SRP68: variants seen among roughly 807,000 people sequenced by gnomAD.
The protein encoded by SRP68 is signal recognition particle 68.
Under a neutral mutation model 82.2 loss-of-function variants are expected in SRP68, and 15 were observed. The observed-to-expected ratio is 0.18, with a 90% confidence interval of 0.12 to 0.28. The LOEUF is 0.28. Among genes scored for constraint, SRP68 ranks in the 10% least tolerant of loss-of-function variants. The pLI, the probability that SRP68 is intolerant of heterozygous loss-of-function variation, is 1.00. For synonymous variants in SRP68, 261 were observed against 292.6 expected (o/e 0.89, Z 1.10); for missense variants, 595 against 780.5 (o/e 0.76, Z 2.83).
chr17:76,067,529 A>G (rs1254929654), intron 2 of SRP68, among the ~76,000 whole-genome samples, 199 bp from the exon 3 acceptor site: 1 of 152,154 alleles, frequency 6.6e-6, no homozygotes, highest in Non-Finnish European at 1.5e-5. Flanking sequence ...GCTGGAGTGC[A>G]GTGGTGTGAT....
At position 76,039,619 on chromosome 17, in the gene SRP68, T is replaced by C; in HGVS notation, c.*87A>G. On this transcript the variant is annotated 3_prime_UTR_variant, in exon 16 of 16. Transcript: ENST00000307877. Reference sequence around the variant, plus strand: ...CTCTTGCCCCGGGCCAATGCAGACCTGGATTTAATATCATGGAACTTGCTG... The same window carrying C: ...CTCTTGCCCCGGGCCAATGCAGACCCGGATTTAATATCATGGAACTTGCTG... 7.4e-7 allele frequency: 1 copy of C among 1,350,558 alleles called. No individual in the cohort carries two copies. Among genetic ancestry groups the C allele is most frequent in the Non-Finnish European group, 1.0e-6 (1 of 971,538 alleles). The allele number at this position is 1,350,558 out of a possible 1,614,324, so 83.7% of individuals were successfully genotyped here.
In SRP68 at chr17:76,039,181, C is replaced by A. The variant is rs1016993628; in HGVS notation, c.*525G>T. 2.9e-6 allele frequency: 1 copy of A among 342,350 alleles called. No homozygotes were observed. The highest frequency in any genetic ancestry group is 5.9e-6 in the Non-Finnish European group (1 of 169,554). 21.2% of individuals were successfully genotyped at this position (342,350 alleles called of 1,614,324 possible). A position where few individuals can be genotyped will look rare whatever the true frequency, so the allele number is the denominator to read the frequency against. On this transcript the variant is annotated 3_prime_UTR_variant, in exon 16 of 16. Transcript: ENST00000307877. ...TAACATATTTCTTCTAAAAATAGAG[C>A]TCTCTGCTTGTCTGAAACTTCTTAG...
intron 4 of SRP68, among the ~76,000 whole-genome samples, chr17:76,062,822 G>A (rs2066777555): frequency 7.6e-6 from 1 of 131,038 alleles, no homozygotes; most frequent in Admixed American, 9.0e-5. Flanking sequence ...CCAGGCTGGA[G>A]CGCAGTGGCA....
chr17:76,067,266 G>T lies in SRP68; in HGVS notation c.316C>A (p.His106Asn), dbSNP rs2066814287. 1.2e-6 allele frequency: 2 copies of T among 1,613,770 alleles called. No individual in the cohort carries two copies. Among genetic ancestry groups the T allele is most frequent in the Non-Finnish European group, 8.5e-7 (1 of 1,179,916 alleles). Residue 106 changes from histidine to asparagine, a missense_variant, in exon 3 of 16, where the codon CAC becomes AAC. Physicochemically the swap from His to Asn is moderately conservative, Grantham distance 68. Transcript: ENST00000307877. ...GTCACTTTCTTCCCTGTGAATTTGT[G>T]TCTGTTACCCATCTTGAAGTTGAGT... ...KTLNFKMGNR[H>N]KFTGKKVTEE...
intron 7 of SRP68, among the ~76,000 whole-genome samples, chr17:76,059,999 G>A (rs2066739844): frequency 1.3e-5 from 2 of 149,928 alleles, no homozygotes; most frequent in African/African-American, 2.5e-5. Flanking sequence ...GGTGGCAGGC[G>A]GCTGTAGTCC....
rs1041428323 is a variant in SRP68, at chr17:76,072,446, T to C, written c.46A>G (p.Ser16Gly). 11 of 1,579,284 alleles carry C rather than the reference T, an allele frequency of 7.0e-6. No individual in the cohort carries two copies. Among genetic ancestry groups the C allele is most frequent in the African/African-American group, 2.7e-5 (2 of 73,502 alleles). ...CCGCCACTGCCACCGCCGCCGCCACTGCCGCCGCCGCCGCCGCCGCCTGGG... is the reference window on the plus strand; with the variant it reads ...CCGCCACTGCCACCGCCGCCGCCACCGCCGCCGCCGCCGCCGCCGCCTGGG... Reference protein sequence around the residue: ...QVPGGGGGGGSGGGGGSGGGG... With the variant: ...QVPGGGGGGGGGGGGGSGGGG... The change falls in exon 1 of 16, where the codon AGT becomes GGT. Residue 16 changes from serine to glycine, a missense_variant. Coordinates refer to ENST00000307877, the MANE Select transcript of SRP68 (RefSeq NM_014230.4). The surrounding 1 kb of genome is among the most constrained non-coding windows in gnomAD (Gnocchi z 4.5).
rs1567934094 is a variant in SRP68, at chr17:76,061,493, T to C, written c.643A>G (p.Lys215Glu). 6.2e-7 allele frequency: 1 copy of C among 1,613,398 alleles called. No homozygotes were observed. The highest frequency in any genetic ancestry group is 8.5e-7 in the Non-Finnish European group (1 of 1,179,732). ...CAGCCTTTGGACTATAGGACTTACT[T>C]GCATTTGTTAAAAGCCTCAATGGCA... is the stretch of plus-strand genomic sequence containing the variant. ...KAAIEAFNKC[K>E]TIYEKLASAF... The change falls in exon 5 of 16, where the codon AAA becomes GAA. Residue 215 changes from lysine (K) to glutamate (E), a missense_variant and splice_region_variant. By Grantham distance (56) the Lys-to-Glu change is moderately conservative. Coordinates refer to ENST00000307877, the MANE Select transcript of SRP68 (RefSeq NM_014230.4).
intron 1 of SRP68, among the ~76,000 whole-genome samples, chr17:76,070,850 GCA>G (rs71891783): frequency 0.055 from 8,021 of 146,672 alleles, 247 homozygotes; most frequent in Non-Finnish European, 0.06. Context: ...ACATGCACAT[GCA>G]CACACACACA....
At chr17:76,069,290 A>G (rs2066830738) in intron 2 of SRP68, among the ~76,000 whole-genome samples, 1 of 152,062 alleles carries the variant, frequency 6.6e-6, no homozygotes, top group Admixed American at 6.6e-5. Context: ...CGGGAGGCTG[A>G]GGCAGGAGAA....
intron 6 of SRP68, chr17:76,060,704 C>A (rs2066746679): frequency 2.8e-6 from 1 of 354,038 alleles, no homozygotes; most frequent in African/African-American, 2.1e-5. Context: ...TATAAAGGGC[C>A]ATCAATTGTA....
intron 4 of SRP68, among the ~76,000 whole-genome samples, chr17:76,062,750 TATATATATATATATAAA>T: frequency 1.2e-5 from 1 of 82,842 alleles, no homozygotes; most frequent in African/African-American, 6.7e-5. Flanking sequence ...TATATATATA[TATATATATATATATAAA>T]ATATATATAT....
At position 76,040,403 on chromosome 17, in the gene SRP68, C is replaced by T; in HGVS notation, c.1656+16G>A. The T allele has an allele frequency of 6.2e-7, 1 of 1,612,416 alleles. No homozygotes were observed. The highest frequency in any genetic ancestry group is 8.5e-7 in the Non-Finnish European group (1 of 1,178,396). On this transcript the variant is annotated intron_variant, in intron 15 of 15. Transcript: ENST00000307877. ...ATCCTGCTTCGTATTCCTCAAAAAC[C>T]ATGGCCCAGACTTACCTTATTGTCC... is the stretch of plus-strand genomic sequence containing the variant.
intron 3 of SRP68, 103 bp from the exon 4 acceptor site, chr17:76,064,274 C>T (rs1397067176): frequency 9.1e-6 from 9 of 990,294 alleles, no homozygotes; most frequent in African/African-American, 6.5e-5. Flanking sequence ...TATACTCTCC[C>T]GCCTTTGCCA....
At chr17:76,060,156 A>AAT in intron 7 of SRP68, 152 bp downstream of exon 7, 1 of 392,694 alleles carries the variant, frequency 2.5e-6, no homozygotes, top group South Asian at 6.6e-5. Context: ...AAAAAGAAAA[A>AAT]GTTTTTTGTT....
At chr17:76,069,894 T>C (rs1314875505) in intron 2 of SRP68, among the ~76,000 whole-genome samples, 1 of 151,146 alleles carries the variant, frequency 6.6e-6, no homozygotes, top group Non-Finnish European at 1.5e-5. Flanking sequence ...CTGGCCAACA[T>C]GGCGAAACCC....
chr17:76,058,560 C>T (rs1431617148), intron 7 of SRP68, among the ~76,000 whole-genome samples: 4 of 152,168 alleles, frequency 2.6e-5, no homozygotes, highest in African/African-American at 9.7e-5. Context: ...TGCTGGCCAC[C>T]AATTTCTATT....
In SRP68 at chr17:76,064,173, T is replaced by C. The variant is rs772231316; in HGVS notation, c.366-2A>G. The C allele has an allele frequency of 6.2e-7, 1 of 1,613,592 alleles. No homozygotes were observed. Among genetic ancestry groups the C allele is most frequent in the South Asian group, 1.1e-5 (1 of 91,036 alleles). ...TCCATCAGAACCAGAAGCAAGTATC[T>C]AGACCAGAGACAGAAGTGGGGAGAC... On this transcript the variant is annotated splice_acceptor_variant, in intron 3 of 15. Transcript: ENST00000307877. LOFTEE classifies it high-confidence loss of function.
At chr17:76,056,219 T>G (rs527622831) in intron 8 of SRP68, among the ~76,000 whole-genome samples, 6 of 152,202 alleles carry the variant, frequency 3.9e-5, no homozygotes, top group South Asian at 4.1e-4. Flanking sequence ...CCCCTATGGA[T>G]CTCTCTCCCC....
intron 7 of SRP68, among the ~76,000 whole-genome samples, chr17:76,058,005 C>G (rs1414369695): frequency 6.6e-6 from 1 of 151,742 alleles, no homozygotes; most frequent in African/African-American, 2.4e-5. Flanking sequence ...CAGGGTCTTG[C>G]TCTGTTGCCC....
Sources: allele counts gnomAD v4.1 joint callset (sites outside exome capture counted in the v4.1 genomes callset), GRCh38; gene constraint gnomAD v4.1.1; non-coding constraint Gnocchi (gnomAD v3.1); transcripts MANE v1.5; gene names NCBI Gene and HGNC (gene_info 2026-07-23, HGNC 2026-07-21).